Variants in SPATA13 observed in about 807,000 individuals in gnomAD.
SPATA13 encodes spermatogenesis associated 13, also known as spermatogenesis-associated protein 13.
A neutral mutation model predicts 104.0 loss-of-function variants in SPATA13; 50 were observed. The ratio of observed to expected loss-of-function variants is 0.48; its 90% CI spans 0.38 to 0.61. The LOEUF (loss-of-function observed/expected upper bound fraction) is 0.61. SPATA13 is among the 20% of genes least tolerant of loss of function. SPATA13 has a pLI of 0.00. For missense variants in SPATA13, 1,524 were observed against 1,690.6 expected (o/e 0.90, Z 1.73); for synonymous variants, 606 against 667.5 (o/e 0.91, Z 1.42).
chr13:24,090,915 C>G (rs1450390138), intron 3 of SPATA13, among the ~76,000 whole-genome samples: 1 of 152,214 alleles, frequency 6.6e-6, no homozygotes, highest in Non-Finnish European at 1.5e-5. Flanking sequence ...ATTCCCTCCT[C>G]TCTCGGATTT....
At chr13:24,283,568 A>G (rs907376054) in intron 4 of SPATA13, among the ~76,000 whole-genome samples, 5 of 152,242 alleles carry the variant, frequency 3.3e-5, no homozygotes, top group African/African-American at 1.2e-4. Flanking sequence ...CATCCTTAAA[A>G]GATCTTTCTC....
At chr13:24,302,459 C>CAAAAAAA (rs71070678) in intron 12 of SPATA13, 139 bp from the exon 13 acceptor site, 10 of 194,098 alleles carry the variant, frequency 5.2e-5, no homozygotes, top group Non-Finnish European at 7.3e-5. Flanking sequence ...GACCCTGTCT[C>CAAAAAAA]AAAAAAAAAA....
At chr13:24,024,970 A>G (rs866666869) in intron 3 of SPATA13, among the ~76,000 whole-genome samples, 3 of 147,424 alleles carry the variant, frequency 2.0e-5, no homozygotes, top group Middle Eastern at 3.5e-3. Flanking sequence ...ATATATATAA[A>G]CACAGATGAA....
chr13:24,122,867 T>C, intron 3 of SPATA13: 2 of 773,826 alleles, frequency 2.6e-6, no homozygotes, highest in Admixed American at 3.4e-5. Context: ...CATGCTGTTG[T>C]AAAACAGTAG....
chr13:24,198,743 AC>A (rs1870232684), intron 1 of SPATA13, among the ~76,000 whole-genome samples: 1 of 152,146 alleles, frequency 6.6e-6, no homozygotes, highest in Non-Finnish European at 1.5e-5. Context: ...GGGCTATCCC[AC>A]GTGCTGCCAC....
intron 3 of SPATA13, among the ~76,000 whole-genome samples, chr13:24,036,005 C>T (rs1203073410): frequency 1.5e-5 from 2 of 129,240 alleles, no homozygotes; most frequent in African/African-American, 6.2e-5. Flanking sequence ...CAGAGTAAGA[C>T]CCTGTCTCAA....
At chr13:24,000,825 G>C (rs1468155159) in intron 2 of SPATA13, among the ~76,000 whole-genome samples, 1 of 152,096 alleles carries the variant, frequency 6.6e-6, no homozygotes, top group Non-Finnish European at 1.5e-5. Context: ...GGAGAACCCT[G>C]GGTGAGAGGT....
At chr13:24,294,101 T>C (rs1194665446) in intron 9 of SPATA13, among the ~76,000 whole-genome samples, 1 of 152,066 alleles carries the variant, frequency 6.6e-6, no homozygotes, top group African/African-American at 2.4e-5. Flanking sequence ...CTGTAGTTTC[T>C]GCTTTTCCGG....
intron 3 of SPATA13, among the ~76,000 whole-genome samples, chr13:24,094,030 A>C (rs938143153): frequency 2.6e-5 from 4 of 152,324 alleles, no homozygotes; most frequent in South Asian, 4.1e-4. Context: ...TGTCAGCATG[A>C]ATGAGTCTCT....
chr13:24,243,039 A>G (rs767885715), intron 2 of SPATA13, among the ~76,000 whole-genome samples: 16 of 152,352 alleles, frequency 1.1e-4, no homozygotes, highest in Non-Finnish European at 2.2e-4. Context: ...TTGAAGCACA[A>G]GACTGATACC....
At chr13:24,028,914 T>A (rs184905669) in intron 3 of SPATA13, among the ~76,000 whole-genome samples, 28 of 152,282 alleles carry the variant, frequency 1.8e-4, no homozygotes, top group Non-Finnish European at 4.0e-4. Context: ...TCCCCTGTTT[T>A]TTTAAACATG....
chr13:24,162,419 T>C (rs1219989882), intron 1 of SPATA13: 1 of 155,664 alleles, frequency 6.4e-6, no homozygotes, highest in Non-Finnish European at 1.5e-5. Flanking sequence ...GTTCCTTGTG[T>C]TCTTCCAGTC....
At chr13:24,044,571 A>G (rs1419494858) in intron 3 of SPATA13, among the ~76,000 whole-genome samples, 2 of 152,136 alleles carry the variant, frequency 1.3e-5, no homozygotes, top group Non-Finnish European at 2.9e-5. Context: ...GATAACGTAC[A>G]GGGTACAGTG....
intron 4 of SPATA13, among the ~76,000 whole-genome samples, chr13:24,268,320 A>AG (rs1874388177): frequency 6.6e-6 from 1 of 152,214 alleles, no homozygotes; most frequent in African/African-American, 2.4e-5. Flanking sequence ...CGAGAGAGAG[A>AG]GTAGTCTGCT....
chr13:24,272,851 A>C (rs780390104), intron 4 of SPATA13: 1 of 152,324 alleles, frequency 6.6e-6, no homozygotes, highest in Non-Finnish European at 1.5e-5. Flanking sequence ...AAGAGGATTT[A>C]TTCCAGCGCT....
At chr13:24,192,473 A>G (rs1293441714) in intron 1 of SPATA13, among the ~76,000 whole-genome samples, 1 of 152,004 alleles carries the variant, frequency 6.6e-6, no homozygotes, top group Non-Finnish European at 1.5e-5. Flanking sequence ...ACCCGCTGAA[A>G]CAGCGTCTTC....
intron 1 of SPATA13, among the ~76,000 whole-genome samples, chr13:24,198,326 T>C (rs1870205262): frequency 6.6e-6 from 1 of 152,148 alleles, no homozygotes. Flanking sequence ...CTGGACTAAA[T>C]GTCAGGTCCT....
intron 3 of SPATA13, among the ~76,000 whole-genome samples, chr13:24,021,273 T>C (rs1159409590): frequency 6.6e-6 from 1 of 152,138 alleles, no homozygotes; most frequent in African/African-American, 2.4e-5. Flanking sequence ...GGAAAGAAAG[T>C]TTGGAGAATC....
chr13:24,263,419 TGC>T (rs1874152750), intron 4 of SPATA13, among the ~76,000 whole-genome samples: 1 of 152,200 alleles, frequency 6.6e-6, no homozygotes, highest in South Asian at 2.1e-4. Flanking sequence ...TTTATACTCA[TGC>T]CAAGGAATAT....
Sources: allele counts gnomAD v4.1 joint callset (sites outside exome capture counted in the v4.1 genomes callset), GRCh38; gene constraint gnomAD v4.1.1; transcripts MANE v1.5; gene names NCBI Gene and HGNC (gene_info 2026-07-23, HGNC 2026-07-21).